The following PRKCB variants were observed in gnomAD, a reference collection of about 807,000 sequenced individuals.
The protein encoded by PRKCB is protein kinase C beta, also known as protein kinase C beta type.
PRKCB carries 13 observed loss-of-function variants against 81.5 expected under a neutral mutation model. The ratio of observed to expected loss-of-function variants is 0.16; its 90% confidence interval spans 0.10 to 0.25. PRKCB has a LOEUF of 0.25. Among genes scored for constraint, PRKCB ranks in the 10% least tolerant of loss-of-function variants. The pLI, the probability that PRKCB is intolerant of heterozygous loss-of-function variation, is 1.00. For missense variants in PRKCB, 509 were observed against 875.7 expected (o/e 0.58, Z 5.29); for synonymous variants, 335 against 321.4 (o/e 1.04, Z -0.45).
chr16:24,056,545 G>T (rs1443859467), intron 5 of PRKCB, among the ~76,000 whole-genome samples: 1 of 152,196 alleles, frequency 6.6e-6, no homozygotes, highest in Non-Finnish European at 1.5e-5. Context: ...GTGAGGCCTC[G>T]TGGGAGGTGC....
intron 2 of PRKCB, among the ~76,000 whole-genome samples, chr16:23,973,070 G>A (rs781222313): frequency 1.3e-4 from 20 of 152,116 alleles, no homozygotes; most frequent in Non-Finnish European, 2.4e-4. Context: ...AAATAATAAA[G>A]TGGCTTGGAG....
intron 15 of PRKCB, among the ~76,000 whole-genome samples, chr16:24,188,567 C>T (rs764225677): frequency 1.3e-5 from 2 of 152,050 alleles, no homozygotes; most frequent in Non-Finnish European, 2.9e-5. Flanking sequence ...TATGTCCATT[C>T]CCTTAAAGGC....
At chr16:24,169,284 T>C (rs766187686) in intron 10 of PRKCB, among the ~76,000 whole-genome samples, 1 of 152,162 alleles carries the variant, frequency 6.6e-6, no homozygotes, top group Non-Finnish European at 1.5e-5. Flanking sequence ...GATGGCTCGC[T>C]TTGGTCAGGC....
intron 2 of PRKCB, among the ~76,000 whole-genome samples, chr16:23,934,502 G>A (rs1172018921): frequency 6.6e-6 from 1 of 152,100 alleles, no homozygotes; most frequent in Non-Finnish European, 1.5e-5. Flanking sequence ...CAGGGGATAA[G>A]TATTATTTTA....
intron 16 of PRKCB, among the ~76,000 whole-genome samples, chr16:24,210,558 G>A (rs1968124260): frequency 6.6e-6 from 1 of 151,566 alleles, no homozygotes; most frequent in Admixed American, 6.6e-5. Flanking sequence ...GAGTGCAGTG[G>A]CTTGATCTCC....
chr16:24,023,235 C>T (rs148820833), intron 3 of PRKCB, among the ~76,000 whole-genome samples: 141 of 152,288 alleles, frequency 9.3e-4, no homozygotes, highest in African/African-American at 3.3e-3. Context: ...TCTTTGAATG[C>T]GATCAGAACC....
rs2141998597 is a variant in PRKCB at position 24,219,275 on chromosome 16, A to C, written c.*4459A>C. 1 of 929,620 alleles carries C rather than the reference A, an allele frequency of 1.1e-6. No individual in the cohort carries two copies. The highest frequency in any genetic ancestry group is 5.1e-5 in the South Asian group (1 of 19,710). The allele number at this position is 929,620 out of a possible 1,614,324, so 57.6% of individuals were successfully genotyped here. A position where few individuals can be genotyped will look rare whatever the true frequency, so the allele number is the denominator to read the frequency against. On this transcript the variant is annotated 3_prime_UTR_variant, in exon 17 of 17. Transcript: ENST00000643927. ...GTTTTGTTTTGTTTTGTTTTGTTTTAAGGCTCCCCTTACACACCCTCCTTT... is the reference window on the plus strand; with the variant it reads ...GTTTTGTTTTGTTTTGTTTTGTTTTCAGGCTCCCCTTACACACCCTCCTTT...
At chr16:24,026,415 G>C (rs1440521640) in intron 3 of PRKCB, among the ~76,000 whole-genome samples, 1 of 152,202 alleles carries the variant, frequency 6.6e-6, no homozygotes, top group East Asian at 1.9e-4. Context: ...GAAAGGTCTG[G>C]ATCATTTTTG....
chr16:24,169,288 G>T (rs933165827), intron 10 of PRKCB, among the ~76,000 whole-genome samples: 3 of 152,060 alleles, frequency 2.0e-5, no homozygotes, highest in African/African-American at 7.2e-5. Context: ...GCTCGCTTTG[G>T]TCAGGCATGG....
At chr16:24,119,772 C>G (rs993540505) in intron 8 of PRKCB, among the ~76,000 whole-genome samples, 1 of 151,948 alleles carries the variant, frequency 6.6e-6, no homozygotes, top group Non-Finnish European at 1.5e-5. Flanking sequence ...TTAACTACCC[C>G]CTCGTTGCCT....
rs561895956 is a variant in PRKCB, at chr16:23,843,389, G to A, written c.205+5983G>A. Among the ~76,000 whole-genome samples, 140 of 152,216 alleles carry A rather than the reference G, an allele frequency of 9.2e-4. 1 individual carries two copies. Among genetic ancestry groups the A allele is most frequent in the African/African-American group, 3.1e-3 (130 of 41,550 alleles). ...CTAAATGTGTCCTGCGGGCTTCTCTGTGAATAAAAGGCAGAGGCTTTTTGA... is the reference window on the plus strand; with the variant it reads ...CTAAATGTGTCCTGCGGGCTTCTCTATGAATAAAAGGCAGAGGCTTTTTGA... On this transcript the variant is annotated intron_variant, in intron 2 of 16. Transcript: ENST00000643927.
intron 7 of PRKCB, among the ~76,000 whole-genome samples, chr16:24,109,680 A>C (rs1298535003): frequency 7.7e-6 from 1 of 130,554 alleles, no homozygotes; most frequent in South Asian, 2.3e-4. Flanking sequence ...CCAGGCAGAG[A>C]TGCTCCTCAC....
chr16:24,102,453 A>G (rs1308446205), intron 7 of PRKCB, among the ~76,000 whole-genome samples: 1 of 152,092 alleles, frequency 6.6e-6, no homozygotes, highest in Non-Finnish European at 1.5e-5. Flanking sequence ...CAAGTCTCAC[A>G]CCCTTTCTGA....
At chr16:24,145,972 T>C (rs1301608801) in intron 9 of PRKCB, among the ~76,000 whole-genome samples, 1 of 152,256 alleles carries the variant, frequency 6.6e-6, no homozygotes, top group African/African-American at 2.4e-5. Context: ...GTGGTCACTC[T>C]GGATTAGGGT....
chr16:24,007,128 ACCTAACCT>A (rs1005486767), intron 3 of PRKCB, among the ~76,000 whole-genome samples: 1 of 152,204 alleles, frequency 6.6e-6, no homozygotes, highest in Non-Finnish European at 1.5e-5. Flanking sequence ...TGGGCTAGTT[ACCTAACCT>A]CCCTGCTTCA....
At chr16:24,113,423 C>T (rs1966701558) in intron 8 of PRKCB, among the ~76,000 whole-genome samples, 1 of 148,474 alleles carries the variant, frequency 6.7e-6, no homozygotes. Context: ...CTCATTCTTT[C>T]TTTTCTTTCT....
intron 2 of PRKCB, among the ~76,000 whole-genome samples, chr16:23,955,601 C>T (rs1430957785): frequency 2.6e-5 from 4 of 152,140 alleles, no homozygotes; most frequent in Non-Finnish European, 5.9e-5. Flanking sequence ...TCCATAATAA[C>T]AGAAAAGTGC....
In PRKCB at chr16:24,112,985, G is replaced by A. The variant is rs1343693242; in HGVS notation, c.834G>A (p.Leu278=). 7 of 1,607,726 alleles carry A rather than the reference G, an allele frequency of 4.4e-6. No individual in the cohort carries two copies. The highest frequency in any genetic ancestry group is 5.1e-6 in the Non-Finnish European group (6 of 1,176,512). ...KASVDGWFKL[L]SQEEGEYFNV... Reference sequence around the variant, plus strand: ...TGTCTCCCTTCAGGTTTAAGTTACTGAGCCAGGAGGAAGGCGAGTACTTCA... The same window carrying A: ...TGTCTCCCTTCAGGTTTAAGTTACTAAGCCAGGAGGAAGGCGAGTACTTCA... Residue 278 remains leucine (L), a synonymous_variant, in exon 8 of 17, where the codon CTG becomes CTA. Transcript: ENST00000643927.
chr16:24,097,235 A>C (rs956907928), intron 7 of PRKCB, among the ~76,000 whole-genome samples: 4 of 151,920 alleles, frequency 2.6e-5, no homozygotes, highest in African/African-American at 9.7e-5. Context: ...ATGGGGTTTC[A>C]CCATGTTAGC....
Sources: gnomAD v4.1 joint callset for allele counts (sites outside exome capture counted in the v4.1 genomes callset) on GRCh38, gnomAD v4.1.1 for gene constraint, MANE v1.5 for transcripts, NCBI Gene and HGNC (gene_info 2026-07-23, HGNC 2026-07-21) for gene names.